CLIC5: variants seen among roughly 807,000 people sequenced by gnomAD.
CLIC5 encodes chloride intracellular channel protein 5.
A neutral mutation model predicts 24.7 loss-of-function variants in CLIC5; 20 were observed. That is an observed-to-expected ratio of 0.81 (90% CI 0.57 to 1.18). The LOEUF (loss-of-function observed/expected upper bound fraction) is 1.18, where lower values mean the gene tolerates loss of function less well. CLIC5 is among the 50% of genes most tolerant of loss of function. The pLI is 0.00. For missense variants in CLIC5, 341 were observed against 326.1 expected, an observed-to-expected ratio of 1.05 and a Z score of -0.35; for synonymous variants, 159 against 135.6, an observed-to-expected ratio of 1.17 and a Z score of -1.20.
In CLIC5 at chr6:45,898,513, A is replaced by G. The variant is rs1762431551; in HGVS notation, c.*4575T>C. ...TCAGTCAATACCAATCAAGACTGGA[A>G]CACAAATTGGTAATTGGTTCAGATT... On this transcript the variant is annotated 3_prime_UTR_variant, in exon 6 of 6. Coordinates refer to ENST00000339561, the MANE Select transcript of CLIC5 (RefSeq NM_016929.5). 6.5e-6 allele frequency: 1 copy of G among 152,674 alleles called. No homozygotes were observed. Among genetic ancestry groups the G allele is most frequent in the Non-Finnish European group, 1.5e-5 (1 of 68,054 alleles). The allele number at this position is 152,674 out of a possible 1,614,324, so 9.5% of individuals were successfully genotyped here.
chr6:46,048,816 G>T (rs918627380), intron 1 of CLIC5, among the ~76,000 whole-genome samples: 10 of 152,282 alleles, frequency 6.6e-5, no homozygotes, highest in Non-Finnish European at 1.2e-4. Flanking sequence ...AGCCTGCAGT[G>T]TCATGTCAGT....
downstream of CLIC5, among the ~76,000 whole-genome samples, chr6:45,896,044 T>C (rs1476421474): frequency 6.6e-6 from 1 of 152,226 alleles, no homozygotes; most frequent in East Asian, 1.9e-4. Flanking sequence ...ACTCTTTGCA[T>C]AAATAAATGC....
chr6:45,961,174 T>C (rs530943896), intron 1 of CLIC5, among the ~76,000 whole-genome samples: 40 of 152,352 alleles, frequency 2.6e-4, no homozygotes, highest in African/African-American at 9.4e-4. Context: ...CTCAGTTTTC[T>C]CAAGAAAGAT....
intron 4 of CLIC5, among the ~76,000 whole-genome samples, chr6:45,921,297 C>A (rs749985797): frequency 6.6e-6 from 1 of 152,144 alleles, no homozygotes; most frequent in East Asian, 1.9e-4. Context: ...TCTGATGGGA[C>A]GCTCTCTGCT....
At position 45,901,113 on chromosome 6, in the gene CLIC5, GC is replaced by G. The variant is rs1762500163; in HGVS notation, c.*1974del. ...AGCAGGATTTCACACTAATTAAAAG[GC>G]CTTCGGGATCATTTCAGCCCTCATC... On this transcript the variant is annotated 3_prime_UTR_variant, in exon 6 of 6. Coordinates refer to ENST00000339561, the MANE Select transcript of CLIC5 (RefSeq NM_016929.5). The G allele has an allele frequency of 6.6e-6, 1 of 152,112 alleles. No homozygotes were observed. Among genetic ancestry groups the G allele is most frequent in the African/African-American group, 2.4e-5 (1 of 41,406 alleles). The allele number at this position is 152,112 out of a possible 1,614,324, so 9.4% of individuals were successfully genotyped here. A position where few individuals can be genotyped will look rare whatever the true frequency, so the allele number is the denominator to read the frequency against.
chr6:45,999,420 C>G (rs1325715571), intron 1 of CLIC5, among the ~76,000 whole-genome samples: 2 of 152,052 alleles, frequency 1.3e-5, no homozygotes, highest in Non-Finnish European at 1.5e-5. Flanking sequence ...TTTTGGACCT[C>G]AAATCTCAGG....
At chr6:46,124,906 T>G in the CLIC5 span, among the ~76,000 whole-genome samples, 1 of 152,146 alleles carries the variant, frequency 6.6e-6, no homozygotes, top group Non-Finnish European at 1.5e-5. Flanking sequence ...AGAATGGCGA[T>G]CATTAAAAAG....
intron 1 of CLIC5, among the ~76,000 whole-genome samples, chr6:45,987,898 G>A (rs910626187): frequency 1.3e-5 from 2 of 152,144 alleles, no homozygotes; most frequent in Non-Finnish European, 2.9e-5. Context: ...CATATGAATT[G>A]GTGAGCACAA....
intron 1 of CLIC5, among the ~76,000 whole-genome samples, chr6:46,030,558 G>A (rs1767469156): frequency 6.6e-6 from 1 of 151,934 alleles, no homozygotes; most frequent in Non-Finnish European, 1.5e-5. Context: ...GGCTCGGCAT[G>A]GACTGCACTC....
intron 1 of CLIC5, among the ~76,000 whole-genome samples, chr6:46,077,880 A>G (rs1240700688): frequency 6.6e-6 from 1 of 152,124 alleles, no homozygotes; most frequent in Non-Finnish European, 1.5e-5. Flanking sequence ...TCTTTTTCCT[A>G]CTACTTCTGT....
intron 4 of CLIC5, 42 bp downstream of exon 4, chr6:45,941,505 T>G: frequency 1.4e-6 from 2 of 1,450,696 alleles, no homozygotes; most frequent in East Asian, 2.3e-5. Context: ...GGGCAGCAGA[T>G]AGACCACTGC....
chr6:46,033,727 G>A (rs1281641357), intron 1 of CLIC5, among the ~76,000 whole-genome samples: 1 of 152,194 alleles, frequency 6.6e-6, no homozygotes, highest in Non-Finnish European at 1.5e-5. Context: ...ATTCATAGAG[G>A]AATTTATCTC....
At chr6:45,958,488 G>C (rs71566554) in intron 1 of CLIC5, among the ~76,000 whole-genome samples, 6,616 of 56,690 alleles carry the variant, frequency 0.12, 583 homozygotes, top group African/African-American at 0.25. Context: ...ACAGCTAATG[G>C]CAAACTTCCC....
At chr6:45,990,353 C>T (rs773329350) in intron 1 of CLIC5, among the ~76,000 whole-genome samples, 3 of 152,172 alleles carry the variant, frequency 2.0e-5, no homozygotes, top group Non-Finnish European at 2.9e-5. Flanking sequence ...TTAGGGGCAG[C>T]TAAAAATATA....
At chr6:45,949,161 T>C in intron 3 of CLIC5, 95 bp downstream of exon 3, 2 of 1,475,990 alleles carry the variant, frequency 1.4e-6, no homozygotes, top group Non-Finnish European at 1.8e-6. Flanking sequence ...TGAGGTTCCT[T>C]TGGAAATGCA....
intron 4 of CLIC5, among the ~76,000 whole-genome samples, chr6:45,929,572 A>G (rs1763644938): frequency 1.3e-5 from 2 of 152,242 alleles, no homozygotes; most frequent in African/African-American, 4.8e-5. Context: ...CTTTGTGACC[A>G]GAGGCGTTTT....
intron 1 of CLIC5, among the ~76,000 whole-genome samples, chr6:45,972,708 C>A (rs183872894): frequency 6.6e-6 from 1 of 152,270 alleles, no homozygotes; most frequent in East Asian, 1.9e-4. Flanking sequence ...TGATTTATGC[C>A]TCTTAGTGTT....
chr6:45,886,447 G>A (rs1247453720), intron 6 of CLIC5, among the ~76,000 whole-genome samples: 1 of 152,172 alleles, frequency 6.6e-6, no homozygotes, highest in African/African-American at 2.4e-5. Context: ...CCTTCAAGTG[G>A]CAATTTAAAC....
chr6:46,017,694 G>A (rs558026174), upstream of CLIC5, among the ~76,000 whole-genome samples: 18 of 152,134 alleles, frequency 1.2e-4, no homozygotes, highest in African/African-American at 4.4e-4. Flanking sequence ...TTGGGAAGAT[G>A]AAGGAGCTAT....
Sources: gnomAD v4.1 joint callset for allele counts (sites outside exome capture counted in the v4.1 genomes callset) on GRCh38, gnomAD v4.1.1 for gene constraint, MANE v1.5 for transcripts, NCBI Gene and HGNC (gene_info 2026-07-23, HGNC 2026-07-21) for gene names.